FMO5: variants seen among roughly 807,000 people sequenced by gnomAD.
The protein encoded by FMO5 is flavin-containing monooxygenase 5.
Under a neutral mutation model 43.6 loss-of-function variants are expected in FMO5, and 51 were observed. The ratio of observed to expected loss-of-function variants is 1.17; its 90% CI spans 0.93 to 1.48. The LOEUF (loss-of-function observed/expected upper bound fraction) is 1.48, where lower values mean the gene tolerates loss of function less well. Among genes scored for constraint, FMO5 ranks in the 40% most tolerant of loss-of-function variants. The pLI, the probability that FMO5 is intolerant of heterozygous loss-of-function variation, is 0.00. For synonymous variants in FMO5, 187 were observed against 216.5 expected, an observed-to-expected ratio of 0.86 and a Z score of 1.20; for missense variants, 644 against 643.0, an observed-to-expected ratio of 1.00 and a Z score of -0.02.
chr1:147,197,890 GTA>G (rs1658290900), intron 7 of FMO5, among the ~76,000 whole-genome samples: 2 of 152,176 alleles, frequency 1.3e-5, no homozygotes, highest in South Asian at 4.1e-4. Context: ...TAAAAGGTCA[GTA>G]TATGTTATCT....
chr1:147,198,574 G>C (rs914227068), intron 7 of FMO5, among the ~76,000 whole-genome samples: 1 of 152,112 alleles, frequency 6.6e-6, no homozygotes, highest in Non-Finnish European at 1.5e-5. Flanking sequence ...CCTGAGGCCG[G>C]GTACAGTGAC....
chr1:147,186,224 G>C (rs1655602610), downstream of FMO5: 2 of 648,764 alleles, frequency 3.1e-6, no homozygotes, highest in African/African-American at 4.0e-5. Context: ...CTCATTGGCA[G>C]ATGGTAGATG....
chr1:147,198,685 T>C (rs1348890101), intron 7 of FMO5, among the ~76,000 whole-genome samples: 2 of 151,116 alleles, frequency 1.3e-5, no homozygotes, highest in African/African-American at 2.4e-5. Context: ...CCCGTCTGTA[T>C]TAAAAACACA....
intron 7 of FMO5, among the ~76,000 whole-genome samples, chr1:147,191,913 G>A (rs1159666422): frequency 2.0e-5 from 3 of 152,060 alleles, no homozygotes; most frequent in Non-Finnish European, 4.4e-5. Context: ...GGTTACTGTA[G>A]CCTTGTAGTA....
chr1:147,206,057 T>A (rs11239941), intron 6 of FMO5, among the ~76,000 whole-genome samples: 1,491 of 141,230 alleles, frequency 0.011, 7 homozygotes, highest in African/African-American at 0.018. Flanking sequence ...AAAGAACTCA[T>A]ACAAATTTAC....
intron 2 of FMO5, among the ~76,000 whole-genome samples, chr1:147,221,637 T>C (rs2354432): frequency 0.14 from 21,797 of 152,174 alleles, 1,536 homozygotes; most frequent in South Asian, 0.18. Context: ...TATGAGGTAC[T>C]GATAAATGCA....
intron 7 of FMO5, among the ~76,000 whole-genome samples, chr1:147,192,115 T>C (rs1188598293): frequency 6.6e-6 from 1 of 152,166 alleles, no homozygotes; most frequent in Non-Finnish European, 1.5e-5. Context: ...ATGGCCATTT[T>C]CACGATATTG....
At chr1:147,217,692 T>C (rs1300290250) in intron 2 of FMO5, among the ~76,000 whole-genome samples, 1 of 152,242 alleles carries the variant, frequency 6.6e-6, no homozygotes, top group Non-Finnish European at 1.5e-5. Flanking sequence ...TTGAAGTCTC[T>C]TCTTCTAATC....
At chr1:147,195,151 G>A (rs587606288) in intron 7 of FMO5, among the ~76,000 whole-genome samples, 2 of 152,162 alleles carry the variant, frequency 1.3e-5, no homozygotes, top group African/African-American at 4.8e-5. Context: ...TCACCAATCC[G>A]ACGTAGATTT....
At chr1:147,212,556 A>G (rs1169732495) in intron 4 of FMO5, 21 bp from the exon 5 acceptor site, 4 of 1,605,988 alleles carry the variant, frequency 2.5e-6, no homozygotes, top group Non-Finnish European at 3.4e-6. Flanking sequence ...AGGGAAAATA[A>G]TTATTGGGTA....
chr1:147,217,109 G>A (rs587768053), intron 2 of FMO5, among the ~76,000 whole-genome samples: 9 of 151,820 alleles, frequency 5.9e-5, no homozygotes, highest in South Asian at 2.1e-4. Flanking sequence ...GCGTGGTGGC[G>A]CATGCCTGTA....
At position 147,186,878 on chromosome 1, in the gene FMO5, C is replaced by A; in HGVS notation, c.*22G>T. 2 of 1,589,288 alleles carry A rather than the reference C, an allele frequency of 1.3e-6. No individual in the cohort carries two copies. ...TGTAGATAAGCTTCCCAATGAAAAA[C>A]AGGGCAGTGACAATAGGACAACTAG... On this transcript the variant is annotated 3_prime_UTR_variant, in exon 9 of 9. Coordinates refer to ENST00000254090, the MANE Select transcript of FMO5 (RefSeq NM_001461.4).
In FMO5 at chr1:147,208,961, TAAGTCGAG is replaced by T. The variant is rs1660593698; in HGVS notation, c.713_720del (p.Ser238TyrfsTer26). ...CCACAGATCTTCCATATAAAATGTGTAAGTCGAGAAGAGAACAACACATCAGCAGGATA... is the reference window on the plus strand; with the variant it reads ...CCACAGATCTTCCATATAAAATGTGTAAGAGAACAACACATCAGCAGGATA... On this transcript the variant is annotated frameshift_variant, in exon 6 of 9. Transcript: ENST00000254090. LOFTEE classifies it high-confidence loss of function. The T allele has an allele frequency of 6.2e-7, 1 of 1,613,982 alleles. No homozygotes were observed. The highest frequency in any genetic ancestry group is 1.1e-5 in the South Asian group (1 of 91,084).
At chr1:147,185,476 T>G (rs587640370), downstream of FMO5, among the ~76,000 whole-genome samples, 2 of 152,260 alleles carry the variant, frequency 1.3e-5, no homozygotes, top group South Asian at 4.1e-4. Context: ...GCAAAAGACC[T>G]GAAAAGTAAT....
Position 147,216,681 on chromosome 1 carries a change from A to G in FMO5, c.136-739T>C, listed in dbSNP as rs149572424. 6.4e-4 allele frequency among the ~76,000 whole-genome samples: 97 copies of G among 152,284 alleles called. 1 individual carries two copies. The highest frequency in any genetic ancestry group is 2.2e-3 in the African/African-American group (91 of 41,542). ...AGCTAAATGCCCAAAAAAACAACTG[A>G]AATTTGAGAACCACTGCTCTAGATC... On this transcript the variant is annotated intron_variant, in intron 2 of 8. Coordinates refer to ENST00000254090, the MANE Select transcript of FMO5 (RefSeq NM_001461.4).
intron 6 of FMO5, among the ~76,000 whole-genome samples, chr1:147,201,941 A>G (rs145977608): frequency 2.0e-5 from 3 of 152,312 alleles, no homozygotes; most frequent in Non-Finnish European, 4.4e-5. Context: ...TGTATGATAA[A>G]TTACATGTAT....
Position 147,210,260 on chromosome 1 carries a change from AT to A in FMO5, c.631-1210del, listed in dbSNP as rs1660867951. The stretch of plus-strand genomic sequence containing the variant: ...TGATTATTTAATGGAGAAAAATAAG[AT>A]TGCTAGTGGAACAACAGGAAGCTAG... On this transcript the variant is annotated intron_variant, in intron 5 of 8. Transcript: ENST00000254090. 8 of 152,244 alleles carry A rather than the reference AT, an allele frequency of 5.3e-5. No individual in the cohort carries two copies. The South Asian group carries it at 1.7e-3, about 32-fold the overall frequency. 9.4% of individuals were successfully genotyped at this position (152,244 alleles called of 1,614,324 possible).
At chr1:147,203,554 G>C in intron 6 of FMO5, 1 of 965,912 alleles carries the variant, frequency 1.0e-6, no homozygotes. Context: ...CTTAACTCCA[G>C]AGTTTTCTCC....
At position 147,187,163 on chromosome 1, in the gene FMO5, G is replaced by T; in HGVS notation, c.1339C>A (p.Pro447Thr). ...EELADLVGVR[P>T]NLLSLAFTDP... The stretch of plus-strand genomic sequence containing the variant: ...GTGAAGGCCAGAGACAGCAGATTGG[G>T]CCTGACCCCCACCAAATCAGCAAGC... Residue 447 changes from proline to threonine, a missense_variant, in exon 9 of 9, where the codon CCC becomes ACC. Transcript: ENST00000254090. 3 of 1,614,102 alleles carry T rather than the reference G, an allele frequency of 1.9e-6. No homozygotes were observed. Among genetic ancestry groups the T allele is most frequent in the South Asian group, 2.2e-5 (2 of 91,066 alleles).
Sources: allele counts gnomAD v4.1 joint callset (sites outside exome capture counted in the v4.1 genomes callset), GRCh38; gene constraint gnomAD v4.1.1; transcripts MANE v1.5; gene names NCBI Gene and HGNC (gene_info 2026-07-23, HGNC 2026-07-21).